Variants in GRIN2B observed in about 807,000 individuals in gnomAD.
GRIN2B encodes the protein glutamate receptor ionotropic, NMDA 2B.
In GRIN2B, 5 loss-of-function variants were observed where a neutral mutation model predicts 114.5. That is an observed-to-expected ratio of 0.04 (90% CI 0.02 to 0.09). GRIN2B has a LOEUF of 0.09. Among genes scored for constraint, GRIN2B ranks in the 10% least tolerant of loss-of-function variants. The pLI is 1.00. For synonymous variants in GRIN2B, 787 were observed against 745.1 expected (o/e 1.06, Z -0.92); for missense variants, 1,108 against 1,943.5 (o/e 0.57, Z 8.08).
intron 5 of GRIN2B, among the ~76,000 whole-genome samples, chr12:13,643,141 T>C (rs1452014454): frequency 1.3e-5 from 2 of 152,140 alleles, no homozygotes; most frequent in East Asian, 1.9e-4. Flanking sequence ...TTAGGAAATA[T>C]ATAAAGGCTA....
At chr12:13,568,423 TAC>T (rs1253525657) in intron 12 of GRIN2B, among the ~76,000 whole-genome samples, 1 of 152,246 alleles carries the variant, frequency 6.6e-6, no homozygotes, top group African/African-American at 2.4e-5. Flanking sequence ...TTCTCATGGA[TAC>T]AGTCTCCATT....
rs1565593078 is a variant in GRIN2B at position 13,937,095 on chromosome 12, A to AG, written c.-19+42832_-19+42833insC. 7.0e-3 allele frequency among the ~76,000 whole-genome samples: 997 copies of AG among 141,446 alleles called. 13 individuals are homozygous for AG. Among genetic ancestry groups the AG allele is most frequent in the African/African-American group, 0.025 (919 of 37,250 alleles). 92.8% of individuals were successfully genotyped at this position (141,446 alleles called of 152,430 possible). ...AAACAGCACAGAAATAAAAAAAAAAAAGGGGGGGGGGAAGATTGAAGAAAA... is the reference window on the plus strand; with the variant it reads ...AAACAGCACAGAAATAAAAAAAAAAAGAGGGGGGGGGGAAGATTGAAGAAAA... On this transcript the variant is annotated intron_variant, in intron 2 of 13. Transcript: ENST00000609686.
chr12:13,590,504 C>T (rs1018629269), intron 10 of GRIN2B, among the ~76,000 whole-genome samples: 3 of 152,052 alleles, frequency 2.0e-5, no homozygotes, highest in African/African-American at 7.2e-5. Context: ...TTTTCTGTTC[C>T]TGTGTTAGTT....
chr12:13,907,887 T>C (rs1210800103), intron 2 of GRIN2B, among the ~76,000 whole-genome samples: 6 of 152,222 alleles, frequency 3.9e-5, no homozygotes, highest in Admixed American at 2.0e-4. Flanking sequence ...AATTCATCTT[T>C]TTCTTTAAAA....
At chr12:13,873,022 AG>A (rs1305559751) in intron 2 of GRIN2B, among the ~76,000 whole-genome samples, 1 of 152,236 alleles carries the variant, frequency 6.6e-6, no homozygotes, top group Non-Finnish European at 1.5e-5. Context: ...AAAGGATAAA[AG>A]TACCCAAAGA....
chr12:13,658,185 C>T (rs1479435416), intron 5 of GRIN2B, among the ~76,000 whole-genome samples: 1 of 149,056 alleles, frequency 6.7e-6, no homozygotes, highest in African/African-American at 2.5e-5. Context: ...CCAGCCTGGG[C>T]AACAAGAGCA....
chr12:13,690,626 A>G (rs1486675882), intron 4 of GRIN2B, among the ~76,000 whole-genome samples: 1 of 152,152 alleles, frequency 6.6e-6, no homozygotes, highest in Non-Finnish European at 1.5e-5. Flanking sequence ...TGTGAGGATC[A>G]TGTAATCTAC....
At chr12:13,790,200 C>A (rs1040101790) in intron 3 of GRIN2B, among the ~76,000 whole-genome samples, 3 of 152,196 alleles carry the variant, frequency 2.0e-5, no homozygotes, top group Non-Finnish European at 4.4e-5. Context: ...AATCTCTAAG[C>A]CTTCGGCCTG....
intron 3 of GRIN2B, among the ~76,000 whole-genome samples, chr12:13,842,228 A>C (rs1403175189): frequency 6.6e-6 from 1 of 152,238 alleles, no homozygotes; most frequent in African/African-American, 2.4e-5. Context: ...ATTATGTTAC[A>C]GTTCAGACTT....
Position 13,843,026 on chromosome 12 carries a change from A to ATTATTTAT in GRIN2B, c.411+22764_411+22771dup, listed in dbSNP as rs60291696. Among the ~76,000 whole-genome samples, 391 of 117,090 alleles carry ATTATTTAT rather than the reference A, an allele frequency of 3.3e-3. 3 individuals are homozygous for ATTATTTAT. Among genetic ancestry groups the ATTATTTAT allele is most frequent in the African/African-American group, 0.012 (377 of 30,856 alleles). The allele number at this position is 117,090 out of a possible 152,430, so 76.8% of individuals were successfully genotyped here. On this transcript the variant is annotated intron_variant, in intron 3 of 13. Coordinates refer to ENST00000609686, the MANE Select transcript of GRIN2B (RefSeq NM_000834.5). Reference sequence around the variant, plus strand: ...TAATTTTTACTTTTTAAAATTTTTTATTATTTATTTATTTATTTATTTATT... The same window carrying ATTATTTAT: ...TAATTTTTACTTTTTAAAATTTTTTATTATTTATTTATTTATTTATTTATTTATTTATT...
At chr12:13,571,647 C>G (rs762666219) in intron 11 of GRIN2B, among the ~76,000 whole-genome samples, 157 bp downstream of exon 11, 2 of 152,132 alleles carry the variant, frequency 1.3e-5, no homozygotes, top group African/African-American at 4.8e-5. Flanking sequence ...CTAAATGATA[C>G]GATCAAATTT....
chr12:13,684,671 T>A (rs999482153), intron 4 of GRIN2B, among the ~76,000 whole-genome samples: 1 of 152,212 alleles, frequency 6.6e-6, no homozygotes, highest in Non-Finnish European at 1.5e-5. Flanking sequence ...CCATGCTGTA[T>A]ATAAGTTAAA....
At chr12:13,681,412 T>C (rs539434211) in intron 4 of GRIN2B, among the ~76,000 whole-genome samples, 4 of 152,266 alleles carry the variant, frequency 2.6e-5, no homozygotes, top group Non-Finnish European at 4.4e-5. Context: ...CGGTTTTTCA[T>C]ATCTCTCATT....
At chr12:13,947,692 A>C (rs1291439672) in intron 2 of GRIN2B, among the ~76,000 whole-genome samples, 1 of 152,146 alleles carries the variant, frequency 6.6e-6, no homozygotes, top group Non-Finnish European at 1.5e-5. Context: ...TAGCATCAAA[A>C]GTGGCTGTTG....
At chr12:13,930,377 G>C (rs921242976) in intron 2 of GRIN2B, among the ~76,000 whole-genome samples, 13 of 152,090 alleles carry the variant, frequency 8.5e-5, no homozygotes, top group African/African-American at 2.2e-4. Context: ...AAGAGAGAAT[G>C]GTGGGCAGAT....
At chr12:13,654,651 G>A (rs1434034776) in intron 5 of GRIN2B, among the ~76,000 whole-genome samples, 1 of 152,096 alleles carries the variant, frequency 6.6e-6, no homozygotes, top group Admixed American at 6.6e-5. Context: ...TACAAAAAGT[G>A]CTGACTCTGT....
chr12:13,628,282 A>G (rs2136494443), intron 5 of GRIN2B, among the ~76,000 whole-genome samples: 1 of 152,298 alleles, frequency 6.6e-6, no homozygotes, highest in African/African-American at 2.4e-5. Context: ...GCCACCATGC[A>G]GAAGGCACCA....
chr12:13,832,056 T>G (rs1158226934), intron 3 of GRIN2B, among the ~76,000 whole-genome samples: 4 of 152,154 alleles, frequency 2.6e-5, no homozygotes, highest in Admixed American at 6.5e-5. Flanking sequence ...TTTTTATTTA[T>G]TGGTGCTGGC....
At chr12:13,729,110 G>C (rs1017221218) in intron 4 of GRIN2B, among the ~76,000 whole-genome samples, 1 of 152,148 alleles carries the variant, frequency 6.6e-6, no homozygotes, top group Non-Finnish European at 1.5e-5. Context: ...AAGTCTAAGA[G>C]GGATGTTTTA....
Sources: allele counts gnomAD v4.1 joint callset (sites outside exome capture counted in the v4.1 genomes callset), GRCh38; gene constraint gnomAD v4.1.1; transcripts MANE v1.5; gene names NCBI Gene and HGNC (gene_info 2026-07-23, HGNC 2026-07-21).